PRTG: variants seen among roughly 807,000 people sequenced by gnomAD.
The protein encoded by PRTG is immunoglobulin superfamily, DCC subclass, member 5.
A neutral mutation model predicts 122.5 loss-of-function variants in PRTG; 67 were observed. The observed-to-expected ratio is 0.55, with a 90% CI of 0.45 to 0.67. The LOEUF is 0.67. PRTG is among the 30% of genes least tolerant of loss of function. The pLI, the probability that PRTG is intolerant of heterozygous loss-of-function variation, is 0.00. For missense variants in PRTG, 1,435 were observed against 1,415.4 expected (o/e 1.01, Z -0.22); for synonymous variants, 554 against 501.1 (o/e 1.11, Z -1.41).
rs557881751 is a variant in PRTG at position 55,690,913 on chromosome 15, G to A, written c.398-6982C>T. Among the ~76,000 whole-genome samples the A allele has an allele frequency of 5.9e-5, 9 of 152,316 alleles. No individual in the cohort carries two copies. The East Asian group carries it at 1.7e-3, about 29-fold the overall frequency. ...TTAAGCAACTTGCCCAAAGTTTGCA[G>A]CTAGTAAGTGGTGATACTGGGATCT... On this transcript the variant is annotated intron_variant, in intron 2 of 19. Coordinates refer to ENST00000389286, the MANE Select transcript of PRTG (RefSeq NM_173814.6).
chr15:55,648,672 A>C (rs1169470334), intron 11 of PRTG, among the ~76,000 whole-genome samples: 1 of 152,242 alleles, frequency 6.6e-6, no homozygotes, highest in Non-Finnish European at 1.5e-5. Flanking sequence ...GAACAAATCA[A>C]AACAGTTATG....
At chr15:55,639,851 T>C in intron 12 of PRTG, 23 bp from the exon 13 acceptor site, 1 of 1,611,874 alleles carries the variant, frequency 6.2e-7, no homozygotes, top group Non-Finnish European at 8.5e-7. Flanking sequence ...ACAATGTTAA[T>C]TTACGATACG....
rs528619583 is a variant in PRTG at position 55,715,534 on chromosome 15, A to T, written c.397+24848T>A. On this transcript the variant is annotated intron_variant, in intron 2 of 19. Coordinates refer to ENST00000389286, the MANE Select transcript of PRTG (RefSeq NM_173814.6). ...GCAAAAGTGACCTCAGGGCAACTCC[A>T]AGCCCTAACGGATACTTTAGTGTTT... is the stretch of plus-strand genomic sequence containing the variant. 1.6e-4 allele frequency among the ~76,000 whole-genome samples: 25 copies of T among 152,308 alleles called. No individual in the cohort carries two copies. The East Asian group carries it at 4.8e-3, about 29-fold the overall frequency.
intron 19 of PRTG, 149 bp from the exon 20 acceptor site, chr15:55,620,415 C>G (rs910465380): frequency 7.0e-6 from 10 of 1,423,168 alleles, no homozygotes; most frequent in Non-Finnish European, 8.3e-6. Context: ...GCTTCTGATG[C>G]ACGCTCCTGC....
At chr15:55,655,630 G>A (rs907633671) in intron 11 of PRTG, 3 of 152,166 alleles carry the variant, frequency 2.0e-5, no homozygotes, top group Non-Finnish European at 4.4e-5. Context: ...ACTTTGGACA[G>A]TATGAACTTT....
intron 2 of PRTG, among the ~76,000 whole-genome samples, chr15:55,733,014 A>T (rs1341401908): frequency 6.6e-6 from 1 of 151,964 alleles, no homozygotes; most frequent in African/African-American, 2.4e-5. Context: ...GATCGAGACC[A>T]TTCTGGTCAC....
In PRTG at chr15:55,638,587, G is replaced by A; in HGVS notation, c.2414C>T (p.Pro805Leu). 1 of 1,613,412 alleles carries A rather than the reference G, an allele frequency of 6.2e-7. No homozygotes were observed. Among genetic ancestry groups the A allele is most frequent in the Non-Finnish European group, 8.5e-7 (1 of 1,179,456 alleles). ...VRLHVDQLSS[P>L]WSPVVYHSTL... ...AGAATGGTAGACTACAGGGCTCCAA[G>A]GACTGGAAAGCTGATCCACATGTAA... is the stretch of plus-strand genomic sequence containing the variant. The change falls in exon 14 of 20, where the codon CCT (proline) becomes CTT (leucine). Residue 805 changes from proline (P) to leucine (L), a missense_variant. Pro to Leu is a moderately conservative substitution (Grantham distance 98). Coordinates refer to ENST00000389286, the MANE Select transcript of PRTG (RefSeq NM_173814.6).
At chr15:55,623,385 C>T (rs1238951366) in intron 18 of PRTG, among the ~76,000 whole-genome samples, 6 of 152,172 alleles carry the variant, frequency 3.9e-5, no homozygotes, top group East Asian at 1.9e-4. Flanking sequence ...CTGACCAACA[C>T]GGTGAAACCC....
rs1226367874 is a variant in PRTG at position 55,620,971 on chromosome 15, T to C, written c.3094-204A>G. Among the ~76,000 whole-genome samples the C allele has an allele frequency of 5.3e-5, 8 of 152,218 alleles. No individual in the cohort carries two copies. The East Asian group carries it at 1.5e-3, about 29-fold the overall frequency. ...GTGGTAGTGGGGACTGGGCTTCTAA[T>C]GTACTCATTACCCAAATAGTAAGCA... is the stretch of plus-strand genomic sequence containing the variant. On this transcript the variant is annotated intron_variant, in intron 18 of 19. Coordinates refer to ENST00000389286, the MANE Select transcript of PRTG (RefSeq NM_173814.6).
intron 15 of PRTG, among the ~76,000 whole-genome samples, chr15:55,633,465 A>G (rs1156945727): frequency 6.6e-6 from 1 of 152,196 alleles, no homozygotes; most frequent in East Asian, 1.9e-4. Flanking sequence ...TTTAGCCACA[A>G]GTATTATATG....
chr15:55,723,603 C>A (rs2030910244), intron 2 of PRTG, among the ~76,000 whole-genome samples: 1 of 151,808 alleles, frequency 6.6e-6, no homozygotes, highest in Admixed American at 6.6e-5. Flanking sequence ...CCAAGTAAGA[C>A]AAATTAAAAG....
intron 15 of PRTG, among the ~76,000 whole-genome samples, chr15:55,630,176 C>T (rs1472963716): frequency 6.6e-6 from 1 of 152,052 alleles, no homozygotes; most frequent in Non-Finnish European, 1.5e-5. Context: ...TTAGTAGAGA[C>T]AGGGTTTCAC....
rs12324293 is a variant in PRTG at position 55,690,373 on chromosome 15, C to G, written c.398-6442G>C. Among the ~76,000 whole-genome samples the G allele has an allele frequency of 9.3e-3, 1,410 of 152,248 alleles. 24 individuals carry two copies. Among genetic ancestry groups the G allele is most frequent in the African/African-American group, 0.033 (1,356 of 41,540 alleles). On this transcript the variant is annotated intron_variant, in intron 2 of 19. Transcript: ENST00000389286. The stretch of plus-strand genomic sequence containing the variant: ...ACAAAACTAACAGAGGTTTTATTCT[C>G]AGGGATCTTTGTTAATGGTGGAGAA...
Position 55,742,943 on chromosome 15 carries a change from G to A in PRTG, c.-12C>T, listed in dbSNP as rs893678102. The A allele has an allele frequency of 1.8e-4, 268 of 1,509,314 alleles. No individual in the cohort carries two copies. The East Asian group carries it at 7.1e-3, about 40-fold the overall frequency. 93.5% of individuals were successfully genotyped at this position (1,509,314 alleles called of 1,614,324 possible). On this transcript the variant is annotated 5_prime_UTR_variant, in exon 1 of 20. Coordinates refer to ENST00000389286, the MANE Select transcript of PRTG (RefSeq NM_173814.6). ...AGAGGAGGCGCCATTCAGCGTAGCC[G>A]CGCGGGCATGCTCCCCGGCCGCCCA... is the stretch of plus-strand genomic sequence containing the variant.
intron 15 of PRTG, among the ~76,000 whole-genome samples, chr15:55,631,593 C>A (rs1455496560): frequency 1.1e-4 from 17 of 152,174 alleles, no homozygotes; most frequent in Admixed American, 1.3e-4. Context: ...ACAGACTTCT[C>A]AATCTTAATT....
rs763786161 is a variant in PRTG at position 55,682,457 on chromosome 15, C to T, written c.583G>A (p.Val195Ile). 2 of 1,596,720 alleles carry T rather than the reference C, an allele frequency of 1.3e-6. No homozygotes were observed. Among genetic ancestry groups the T allele is most frequent in the Non-Finnish European group, 1.7e-6 (2 of 1,169,796 alleles). Residue 195 changes from valine (V) to isoleucine (I), a missense_variant, in exon 4 of 20, where the codon GTC becomes ATC. By Grantham distance (29) the Val-to-Ile change is conservative. Transcript: ENST00000389286. ...LPTGVLQIYD[V>I]SQRDSGNYRC... ...TAATTTCCAGAATCCCTTTGGCTGA[C>T]ATCATAGATCTGCAATACTCCTGTT... is the stretch of plus-strand genomic sequence containing the variant.
intron 16 of PRTG, among the ~76,000 whole-genome samples, chr15:55,627,898 G>A (rs571027155): frequency 1.9e-4 from 29 of 152,246 alleles, no homozygotes; most frequent in Non-Finnish European, 3.8e-4. Context: ...GACTCACTAA[G>A]TCTGGGGTGG....
intron 2 of PRTG, among the ~76,000 whole-genome samples, chr15:55,692,436 C>A (rs2059608903): frequency 1.3e-5 from 2 of 152,138 alleles, no homozygotes; most frequent in South Asian, 4.1e-4. Flanking sequence ...AGGAAAGGAT[C>A]CATATAGTTC....
chr15:55,707,811 G>A (rs1028644899), intron 2 of PRTG, among the ~76,000 whole-genome samples: 1 of 152,104 alleles, frequency 6.6e-6, no homozygotes, highest in Non-Finnish European at 1.5e-5. Context: ...TATAACAAAT[G>A]TCACAGAAAA....
Sources: gnomAD v4.1 joint callset for allele counts (sites outside exome capture counted in the v4.1 genomes callset) on GRCh38, gnomAD v4.1.1 for gene constraint, MANE v1.5 for transcripts, NCBI Gene and HGNC (gene_info 2026-07-23, HGNC 2026-07-21) for gene names.